The following TULP4 variants were observed in gnomAD, a reference collection of about 807,000 sequenced individuals.
TULP4 encodes TUB like protein 4.
Under a neutral mutation model 129.0 loss-of-function variants are expected in TULP4, and 16 were observed. The observed-to-expected ratio is 0.12, with a 90% CI of 0.08 to 0.19. TULP4 has a LOEUF of 0.19. Among genes scored for constraint, TULP4 ranks in the 10% least tolerant of loss-of-function variants. The pLI is 1.00. For missense variants in TULP4, 1,842 were observed against 2,059.1 expected (o/e 0.89, Z 2.04); for synonymous variants, 998 against 854.0 (o/e 1.17, Z -2.94).
At chr6:158,469,824 C>T (rs1276840945) in intron 6 of TULP4, among the ~76,000 whole-genome samples, 1 of 151,610 alleles carries the variant, frequency 6.6e-6, no homozygotes, top group Non-Finnish European at 1.5e-5. Flanking sequence ...TAACAAGCAG[C>T]AGAAGGAAGG....
intron 1 of TULP4, among the ~76,000 whole-genome samples, chr6:158,321,052 T>TA (rs1002632928): frequency 7.9e-4 from 120 of 152,292 alleles, no homozygotes; most frequent in African/African-American, 2.6e-3. Flanking sequence ...ATTTATTTTT[T>TA]AAAAAAATTT....
chr6:158,265,523 GA>G (rs534752014), intron 1 of TULP4, among the ~76,000 whole-genome samples: 39 of 145,266 alleles, frequency 2.7e-4, no homozygotes, highest in African/African-American at 5.5e-4. Flanking sequence ...CCTACTAAAA[GA>G]AAAAAAAAAA....
At chr6:158,247,120 G>A (rs1778044154) in intron 1 of TULP4, among the ~76,000 whole-genome samples, 1 of 152,098 alleles carries the variant, frequency 6.6e-6, no homozygotes, top group Non-Finnish European at 1.5e-5. Flanking sequence ...GATGGGAAAG[G>A]ATTTGGAAAC....
intron 4 of TULP4, among the ~76,000 whole-genome samples, chr6:158,451,213 AG>A (rs796751488): frequency 0.011 from 1,666 of 147,316 alleles, 32 homozygotes; most frequent in African/African-American, 0.041. Context: ...TCTCAGAAGC[AG>A]GGGGGGCAGT....
At chr6:158,310,092 G>A (rs145208695), upstream of TULP4, among the ~76,000 whole-genome samples, 398 of 152,180 alleles carry the variant, frequency 2.6e-3, 1 homozygote, top group African/African-American at 9.2e-3. Context: ...GTAAACTTGG[G>A]GTATTAGCCC....
At chr6:158,262,258 G>T (rs1423220082) in intron 1 of TULP4, among the ~76,000 whole-genome samples, 1 of 152,180 alleles carries the variant, frequency 6.6e-6, no homozygotes, top group Non-Finnish European at 1.5e-5. Flanking sequence ...AGGTTTCTCT[G>T]CAAGCTCCTT....
At chr6:158,416,209 G>C (rs1778205414) in intron 2 of TULP4, among the ~76,000 whole-genome samples, 1 of 152,164 alleles carries the variant, frequency 6.6e-6, no homozygotes, top group Admixed American at 6.5e-5. Context: ...TTGAGGGGGG[G>C]TCTGCCTCTC....
chr6:158,344,341 G>C (rs375905567), intron 1 of TULP4, among the ~76,000 whole-genome samples: 2 of 152,204 alleles, frequency 1.3e-5, no homozygotes, highest in African/African-American at 4.8e-5. Context: ...TCACACAGAC[G>C]TGTGAGACAG....
chr6:158,490,549 C>T (rs1780176380), intron 9 of TULP4, among the ~76,000 whole-genome samples: 1 of 152,142 alleles, frequency 6.6e-6, no homozygotes, highest in Admixed American at 6.5e-5. Flanking sequence ...GTATAAGTTA[C>T]ATACAGATAC....
At chr6:158,246,305 C>G (rs867295305) in intron 1 of TULP4, among the ~76,000 whole-genome samples, 1 of 151,676 alleles carries the variant, frequency 6.6e-6, no homozygotes, top group Non-Finnish European at 1.5e-5. Context: ...ATCGAGACCA[C>G]GGTGAAACCC....
intron 1 of TULP4, among the ~76,000 whole-genome samples, chr6:158,399,526 T>C (rs1777796394): frequency 6.6e-6 from 1 of 152,188 alleles, no homozygotes; most frequent in Non-Finnish European, 1.5e-5. Flanking sequence ...AGGACCACAC[T>C]TGAGTTAGAA....
intron 1 of TULP4, among the ~76,000 whole-genome samples, chr6:158,392,439 A>G (rs1218379906): frequency 6.6e-6 from 1 of 152,194 alleles, no homozygotes; most frequent in African/African-American, 2.4e-5. Flanking sequence ...GAATCACATA[A>G]TAGGAAGCCC....
intron 1 of TULP4, among the ~76,000 whole-genome samples, chr6:158,342,356 A>C (rs923426837): frequency 1.3e-5 from 2 of 152,260 alleles, no homozygotes; most frequent in African/African-American, 2.4e-5. Flanking sequence ...TTGAGTTTAC[A>C]TAAGATTGTA....
At chr6:158,318,759 T>G (rs1779551826) in intron 1 of TULP4, among the ~76,000 whole-genome samples, 1 of 152,144 alleles carries the variant, frequency 6.6e-6, no homozygotes, top group Non-Finnish European at 1.5e-5. Context: ...AGAGCTTCGC[T>G]CTCTTCCCCA....
In TULP4 at chr6:158,509,027, A is replaced by G. The variant is rs1399992918; in HGVS notation, c.*2333A>G. On this transcript the variant is annotated 3_prime_UTR_variant, in exon 14 of 14. Transcript: ENST00000367097. ...CTCAGCCTCCCAAGCAGCTGGGATTATAGACACCCGCCAACACGCCAGGCT... is the reference window on the plus strand; with the variant it reads ...CTCAGCCTCCCAAGCAGCTGGGATTGTAGACACCCGCCAACACGCCAGGCT... 6.6e-6 allele frequency: 1 copy of G among 151,610 alleles called. No individual in the cohort carries two copies. Among genetic ancestry groups the G allele is most frequent in the Non-Finnish European group, 1.5e-5 (1 of 67,990 alleles). The allele number at this position is 151,610 out of a possible 1,614,324, so 9.4% of individuals were successfully genotyped here.
intron 1 of TULP4, among the ~76,000 whole-genome samples, chr6:158,369,156 T>TA (rs1318977029): frequency 6.6e-6 from 1 of 152,190 alleles, no homozygotes; most frequent in Non-Finnish European, 1.5e-5. Context: ...TATAATGTCT[T>TA]ACAGGGAATG....
At chr6:158,453,485 CAAAAAA>C (rs869146924) in intron 5 of TULP4, among the ~76,000 whole-genome samples, 457 of 17,962 alleles carry the variant, frequency 0.025, 4 homozygotes, top group African/African-American at 0.092. Flanking sequence ...CTCTGTCTCA[CAAAAAA>C]AAAAAAAAAA....
At chr6:158,337,666 T>C (rs1351189605) in intron 1 of TULP4, among the ~76,000 whole-genome samples, 1 of 152,218 alleles carries the variant, frequency 6.6e-6, no homozygotes, top group Non-Finnish European at 1.5e-5. Flanking sequence ...GCACCCACAG[T>C]GTGCAAACAA....
chr6:158,384,114 C>T (rs1446550578), intron 1 of TULP4, among the ~76,000 whole-genome samples: 11 of 152,130 alleles, frequency 7.2e-5, no homozygotes, highest in Admixed American at 7.2e-4. Flanking sequence ...CCTTTAATTA[C>T]AGTAATATTT....
Sources: gnomAD v4.1 joint callset for allele counts (sites outside exome capture counted in the v4.1 genomes callset) on GRCh38, gnomAD v4.1.1 for gene constraint, MANE v1.5 for transcripts, NCBI Gene and HGNC (gene_info 2026-07-23, HGNC 2026-07-21) for gene names.